Variants in DNAJA2 observed in about 807,000 individuals in gnomAD.
DNAJA2 encodes the protein DnaJ heat shock protein family (Hsp40) member A2.
In DNAJA2, 6 loss-of-function variants were observed where a neutral mutation model predicts 49.3. The observed-to-expected ratio is 0.12, with a 90% CI of 0.07 to 0.24. DNAJA2 has a LOEUF of 0.24. Among genes scored for constraint, DNAJA2 ranks in the 10% least tolerant of loss-of-function variants. DNAJA2 has a pLI of 1.00. For synonymous variants in DNAJA2, 160 were observed against 172.7 expected, an observed-to-expected ratio of 0.93 and a Z score of 0.58; for missense variants, 347 against 516.8, an observed-to-expected ratio of 0.67 and a Z score of 3.19.
intron 3 of DNAJA2, 118 bp downstream of exon 3, chr16:46,971,231 A>C: frequency 1.3e-6 from 1 of 781,906 alleles, no homozygotes; most frequent in Non-Finnish European, 2.0e-6. Flanking sequence ...AAGACAAGGC[A>C]AATGGAAGTT....
intron 8 of DNAJA2, among the ~76,000 whole-genome samples, chr16:46,958,305 A>T (rs1375177133): frequency 6.6e-6 from 1 of 152,004 alleles, no homozygotes; most frequent in African/African-American, 2.4e-5. Context: ...TAATCCCAGC[A>T]CTTTGGGAGG....
chr16:46,958,525 C>T (rs1488890032), intron 8 of DNAJA2: 1 of 149,728 alleles, frequency 6.7e-6, no homozygotes, highest in Non-Finnish European at 1.5e-5. Flanking sequence ...GATCGTGCCA[C>T]TGCACTCAAG....
Position 46,956,792 on chromosome 16 carries a change from T to C in DNAJA2, c.*237A>G, listed in dbSNP as rs1432341921. The C allele has an allele frequency of 4.7e-6, 2 of 422,502 alleles. No homozygotes were observed. The highest frequency in any genetic ancestry group is 8.4e-6 in the Non-Finnish European group (2 of 237,262). 26.2% of individuals were successfully genotyped at this position (422,502 alleles called of 1,614,324 possible). A position where few individuals can be genotyped will look rare whatever the true frequency, so the allele number is the denominator to read the frequency against. On this transcript the variant is annotated 3_prime_UTR_variant, in exon 9 of 9. Transcript: ENST00000317089. ...ATAATAATCCATGTGTGAAAGGGAG[T>C]CTTGTTTCCTTTCAAGTGCTTTATT...
chr16:46,969,874 C>T (rs570072100), intron 3 of DNAJA2, among the ~76,000 whole-genome samples: 3 of 152,216 alleles, frequency 2.0e-5, no homozygotes, highest in South Asian at 2.1e-4. Flanking sequence ...ACAGACAGCA[C>T]TCTTTTGACC....
In DNAJA2 at chr16:46,967,553, T is replaced by C. The variant is rs567180063; in HGVS notation, c.537A>G (p.Val179=). Residue 179 remains valine, a synonymous_variant, in exon 5 of 9, where the codon GTA becomes GTG. Transcript: ENST00000317089. ...IMIRQLAPGM[V]QQMQSVCSDC... ...CAGAGCACACAGACTGCATCTGTTG[T>C]ACCATCCCTGGAGCCAGCTGTCTGA... The C allele has an allele frequency of 2.5e-6, 4 of 1,614,158 alleles. No individual in the cohort carries two copies. The highest frequency in any genetic ancestry group is 2.2e-5 in the South Asian group (2 of 91,074).
Position 46,956,766 on chromosome 16 carries a change from TATA to T in DNAJA2, c.*260_*262del, listed in dbSNP as rs1463241855. 2.8e-6 allele frequency: 1 copy of T among 352,178 alleles called. No homozygotes were observed. The highest frequency in any genetic ancestry group is 5.2e-6 in the Non-Finnish European group (1 of 194,096). 21.8% of individuals were successfully genotyped at this position (352,178 alleles called of 1,614,324 possible). ...AAGCACAGATACCAGGATTGAAACT[TATA>T]ATAATCCATGTGTGAAAGGGAGTCT... On this transcript the variant is annotated 3_prime_UTR_variant, in exon 9 of 9. Coordinates refer to ENST00000317089, the MANE Select transcript of DNAJA2 (RefSeq NM_005880.4).
chr16:46,963,078 C>G (rs1214099884), intron 6 of DNAJA2, among the ~76,000 whole-genome samples: 1 of 152,174 alleles, frequency 6.6e-6, no homozygotes, highest in African/African-American at 2.4e-5. Context: ...AATAACCTTT[C>G]ACTGAACATA....
intron 6 of DNAJA2, 75 bp from the exon 7 acceptor site, chr16:46,959,494 A>G (rs1179416576): frequency 3.6e-6 from 5 of 1,384,752 alleles, no homozygotes; most frequent in Non-Finnish European, 5.0e-6. Context: ...ATGTTCCTTG[A>G]CTTAATTTCA....
At chr16:46,958,282 T>C (rs1054067706) in intron 8 of DNAJA2, among the ~76,000 whole-genome samples, 2 of 151,554 alleles carry the variant, frequency 1.3e-5, no homozygotes, top group Non-Finnish European at 1.5e-5. Flanking sequence ...CTGGGTGCAG[T>C]GGCTCACGCC....
At chr16:46,958,784 AT>A (rs1961853722) in intron 8 of DNAJA2, 18 of 441,830 alleles carry the variant, frequency 4.1e-5, no homozygotes, top group South Asian at 4.7e-5. Context: ...GTCTCAAAAA[AT>A]TTTTTTTAAA....
intron 1 of DNAJA2, chr16:46,972,416 T>A (rs1962066034): frequency 6.5e-6 from 1 of 154,012 alleles, no homozygotes; most frequent in Non-Finnish European, 1.4e-5. Flanking sequence ...AACTGTAACA[T>A]CATGAAAAAG....
At chr16:46,963,526 A>C (rs1202076423) in intron 6 of DNAJA2, among the ~76,000 whole-genome samples, 2 of 151,498 alleles carry the variant, frequency 1.3e-5, no homozygotes, top group African/African-American at 4.8e-5. Context: ...AAAAAAAAAA[A>C]AACCCCAAAA....
In DNAJA2 at chr16:46,973,643, C is replaced by A; in HGVS notation, c.-71G>T. 2 of 1,507,738 alleles carry A rather than the reference C, an allele frequency of 1.3e-6. No individual in the cohort carries two copies. Among genetic ancestry groups the A allele is most frequent in the South Asian group, 2.3e-5 (2 of 85,594 alleles). The allele number at this position is 1,507,738 out of a possible 1,614,324, so 93.4% of individuals were successfully genotyped here. Reference sequence around the variant, plus strand: ...AGAGCGGAGTCGGGCCCACAAGCGGCGTCGGCGGCGGCACAGGCCGAGGGA... The same window carrying A: ...AGAGCGGAGTCGGGCCCACAAGCGGAGTCGGCGGCGGCACAGGCCGAGGGA... On this transcript the variant is annotated 5_prime_UTR_variant, in exon 1 of 9. Transcript: ENST00000317089.
At chr16:46,958,326 T>G (rs1596654132) in intron 8 of DNAJA2, among the ~76,000 whole-genome samples, 1 of 150,706 alleles carries the variant, frequency 6.6e-6, no homozygotes, top group Non-Finnish European at 1.5e-5. Context: ...CCGAGGCAGG[T>G]GGATCATGAG....
In DNAJA2 at chr16:46,967,663, T is replaced by C; in HGVS notation, c.444-17A>G. Reference sequence around the variant, plus strand: ...CCGCCTTGGCTAAAGCAAGCACAAGTTATGCATTAGGTTTTTGTCCACAAA... The same window carrying C: ...CCGCCTTGGCTAAAGCAAGCACAAGCTATGCATTAGGTTTTTGTCCACAAA... On this transcript the variant is annotated splice_polypyrimidine_tract_variant and intron_variant, in intron 4 of 8. Coordinates refer to ENST00000317089, the MANE Select transcript of DNAJA2 (RefSeq NM_005880.4). The C allele has an allele frequency of 6.2e-7, 1 of 1,614,104 alleles. No individual in the cohort carries two copies. Among genetic ancestry groups the C allele is most frequent in the Non-Finnish European group, 8.5e-7 (1 of 1,180,002 alleles).
intron 1 of DNAJA2, among the ~76,000 whole-genome samples, chr16:46,973,124 G>C (rs1389273695): frequency 6.6e-6 from 1 of 152,170 alleles, no homozygotes; most frequent in Non-Finnish European, 1.5e-5. Context: ...GAGCACCTCG[G>C]TCCAACCTGT....
At chr16:46,964,575 A>C (rs767835905) in intron 6 of DNAJA2, 36 bp downstream of exon 6, 1 of 1,577,430 alleles carries the variant, frequency 6.3e-7, no homozygotes, top group East Asian at 2.2e-5. Context: ...CTTCTGAATA[A>C]AACAAAATAC....
chr16:46,971,935 C>T lies in DNAJA2; in HGVS notation c.99G>A (p.Lys33=), dbSNP rs149065795. ...TTGGATTCTTATCAGGATGATATTCCTTGGCTAACTTTCTGTATGCCTTTG... is the reference window on the plus strand; with the variant it reads ...TTGGATTCTTATCAGGATGATATTCTTTGGCTAACTTTCTGTATGCCTTTG... ...ELKKAYRKLA[K]EYHPDKNPNA... is the part of the protein sequence containing the mutation. The change falls in exon 2 of 9, where the codon AAG becomes AAA. Residue 33 remains lysine (K), a synonymous_variant. Transcript: ENST00000317089. The T allele has an allele frequency of 6.2e-7, 1 of 1,612,696 alleles. No homozygotes were observed. The highest frequency in any genetic ancestry group is 1.3e-5 in the African/African-American group (1 of 74,998).
intron 3 of DNAJA2, among the ~76,000 whole-genome samples, chr16:46,971,056 AGAG>A: frequency 6.6e-6 from 1 of 151,922 alleles, no homozygotes. Flanking sequence ...AAAGAGAGAG[AGAG>A]AAAATGATCT....
Sources: allele counts gnomAD v4.1 joint callset (sites outside exome capture counted in the v4.1 genomes callset), GRCh38; gene constraint gnomAD v4.1.1; transcripts MANE v1.5; gene names NCBI Gene and HGNC (gene_info 2026-07-23, HGNC 2026-07-21).